Variants in CDK19 observed in about 807,000 individuals in gnomAD.
CDK19 encodes cyclin dependent kinase 19.
Under a neutral mutation model 68.3 loss-of-function variants are expected in CDK19, and 20 were observed. The ratio of observed to expected loss-of-function variants is 0.29; its 90% CI spans 0.21 to 0.43. CDK19 has a LOEUF of 0.43. Ranked by LOEUF, CDK19 falls within the 20% of genes least tolerant of loss-of-function variation. The probability of loss-of-function intolerance (pLI) is 1.00; values close to 1 mark genes in which losing one functional copy is unlikely to be tolerated. For synonymous variants in CDK19, 221 were observed against 222.8 expected (o/e 0.99, Z 0.07); for missense variants, 339 against 623.5 (o/e 0.54, Z 4.86).
In CDK19 at chr6:110,621,378, G is replaced by A; in HGVS notation, c.1111-8C>T. On this transcript the variant is annotated splice_region_variant and splice_polypyrimidine_tract_variant and intron_variant, in intron 11 of 12. Coordinates refer to ENST00000368911, the MANE Select transcript of CDK19 (RefSeq NM_015076.5). The surrounding 1 kb of genome is among the most constrained non-coding windows in gnomAD (Gnocchi z 5.4). ...CTGCTGCTGTTGCTGATTCTTTTAAGGGGAAAAAAGCAAGCTTGGTATGAA... is the reference window on the plus strand; with the variant it reads ...CTGCTGCTGTTGCTGATTCTTTTAAAGGGAAAAAAGCAAGCTTGGTATGAA... 1 of 1,527,132 alleles carries A rather than the reference G, an allele frequency of 6.5e-7. No individual in the cohort carries two copies. Among genetic ancestry groups the A allele is most frequent in the Non-Finnish European group, 8.8e-7 (1 of 1,139,674 alleles). 94.6% of individuals were successfully genotyped at this position (1,527,132 alleles called of 1,614,324 possible).
At chr6:110,782,975 A>G (rs748247324) in intron 1 of CDK19, among the ~76,000 whole-genome samples, 1 of 152,200 alleles carries the variant, frequency 6.6e-6, no homozygotes, top group Non-Finnish European at 1.5e-5. Flanking sequence ...ACTAATAGCT[A>G]TCATAAATTA....
In CDK19 at chr6:110,792,111, T is replaced by C. The variant is rs544592828; in HGVS notation, c.128+22898A>G. Reference sequence around the variant, plus strand: ...TCACCCTCCCAAGTAGCTGGGACTATAGGCACGTGCCACTATGTCCAGCTA... The same window carrying C: ...TCACCCTCCCAAGTAGCTGGGACTACAGGCACGTGCCACTATGTCCAGCTA... On this transcript the variant is annotated intron_variant, in intron 1 of 12. Transcript: ENST00000368911. 8.4e-4 allele frequency among the ~76,000 whole-genome samples: 127 copies of C among 151,254 alleles called. No individual in the cohort carries two copies. The Middle Eastern group carries it at 0.014, about 16-fold the overall frequency.
chr6:110,690,465 C>T (rs1208609185), intron 2 of CDK19, among the ~76,000 whole-genome samples: 5 of 152,190 alleles, frequency 3.3e-5, no homozygotes, highest in Non-Finnish European at 1.5e-5. Context: ...CCACCTCTGA[C>T]AAGGCTGTGA....
At chr6:110,814,834 C>T in intron 1 of CDK19, 175 bp downstream of exon 1, 1 of 825,074 alleles carries the variant, frequency 1.2e-6, no homozygotes, top group Admixed American at 2.2e-5. Flanking sequence ...CGGGGCCGCG[C>T]GGGGGAGGCG....
intron 2 of CDK19, among the ~76,000 whole-genome samples, chr6:110,696,059 T>G (rs1205960191): frequency 6.6e-6 from 1 of 152,070 alleles, no homozygotes; most frequent in African/African-American, 2.4e-5. Flanking sequence ...AGAAAACCAC[T>G]GACCAATATT....
chr6:110,805,332 A>G (rs1782608947), intron 1 of CDK19, among the ~76,000 whole-genome samples: 1 of 152,226 alleles, frequency 6.6e-6, no homozygotes, highest in East Asian at 1.9e-4. Context: ...TCACAACATT[A>G]TAACAAGTTG....
chr6:110,784,454 G>A (rs1007657476), intron 1 of CDK19, among the ~76,000 whole-genome samples: 6 of 152,060 alleles, frequency 3.9e-5, no homozygotes, highest in African/African-American at 2.4e-5. Context: ...CACCCACAAG[G>A]ATGACTAAAA....
At chr6:110,754,141 C>T (rs956369716) in intron 1 of CDK19, among the ~76,000 whole-genome samples, 9 of 151,568 alleles carry the variant, frequency 5.9e-5, no homozygotes, top group African/African-American at 1.5e-4. Context: ...GCAATCCTCC[C>T]GCCTCAGCCT....
intron 1 of CDK19, among the ~76,000 whole-genome samples, chr6:110,792,546 TAC>T (rs1781671955): frequency 6.6e-6 from 1 of 152,152 alleles, no homozygotes; most frequent in Non-Finnish European, 1.5e-5. Context: ...TAGCTGGGAT[TAC>T]AGACGCGTGC....
At chr6:110,667,714 A>C (rs1438198340) in intron 3 of CDK19, 140 bp from the exon 4 acceptor site, 1 of 469,564 alleles carries the variant, frequency 2.1e-6, no homozygotes, top group Admixed American at 3.9e-5. Flanking sequence ...AAATAATTTG[A>C]GTAATAAGTT....
intron 1 of CDK19, among the ~76,000 whole-genome samples, chr6:110,778,437 G>C (rs1273911124): frequency 6.6e-6 from 1 of 152,052 alleles, no homozygotes; most frequent in Non-Finnish European, 1.5e-5. Context: ...TACAATTTTT[G>C]CCCCACTAAA....
chr6:110,801,502 T>G (rs1583135111), intron 1 of CDK19, among the ~76,000 whole-genome samples: 1 of 151,872 alleles, frequency 6.6e-6, no homozygotes, highest in African/African-American at 2.4e-5. Context: ...TAAAATAAAT[T>G]ACAGGTTTTT....
chr6:110,646,644 A>C, intron 4 of CDK19: 2 of 532,238 alleles, frequency 3.8e-6, no homozygotes, highest in Non-Finnish European at 6.3e-6. Flanking sequence ...TAGTTTTACT[A>C]CTCCCTTTTC....
intron 1 of CDK19, among the ~76,000 whole-genome samples, chr6:110,777,489 TAAG>T (rs1373622309): frequency 2.6e-5 from 4 of 151,970 alleles, no homozygotes; most frequent in Non-Finnish European, 5.9e-5. Context: ...TAAAATAAAA[TAAG>T]AAGGGTTGGT....
At chr6:110,734,609 A>G (rs1462103239) in intron 2 of CDK19, among the ~76,000 whole-genome samples, 2 of 140,494 alleles carry the variant, frequency 1.4e-5, no homozygotes, top group Non-Finnish European at 3.0e-5. Context: ...ATCCTTCTAC[A>G]TTCTCCCTTC....
chr6:110,637,076 C>T (rs1475140610), intron 5 of CDK19, among the ~76,000 whole-genome samples: 1 of 151,596 alleles, frequency 6.6e-6, no homozygotes, highest in Middle Eastern at 3.3e-3. Flanking sequence ...CTAGCTTTGA[C>T]AGGCTGAGGA....
intron 3 of CDK19, among the ~76,000 whole-genome samples, chr6:110,669,033 A>G (rs2036451877): frequency 6.6e-6 from 1 of 152,208 alleles, no homozygotes; most frequent in Non-Finnish European, 1.5e-5. Context: ...TGACTATTCC[A>G]ATGTACAACA....
Position 110,815,424 on chromosome 6 carries a change from T to A in CDK19, c.-288A>T. ...TCCTTCATTTCCTTGTTTTGGAACC[T>A]GGTGGGCCGCGCCGTGGCTTCCTCG... is the stretch of plus-strand genomic sequence containing the variant. On this transcript the variant is annotated 5_prime_UTR_variant, in exon 1 of 13. Transcript: ENST00000368911. 1 of 272,768 alleles carries A rather than the reference T, an allele frequency of 3.7e-6. No homozygotes were observed. Among genetic ancestry groups the A allele is most frequent in the Non-Finnish European group, 6.8e-6 (1 of 146,894 alleles). The allele number at this position is 272,768 out of a possible 1,614,324, so 16.9% of individuals were successfully genotyped here.
intron 5 of CDK19, among the ~76,000 whole-genome samples, chr6:110,635,823 C>T (rs1779741247): frequency 6.6e-6 from 1 of 152,210 alleles, no homozygotes; most frequent in African/African-American, 2.4e-5. Context: ...AGGCATGAGC[C>T]ACTGTGCCCA....
Sources: gnomAD v4.1 joint callset for allele counts (sites outside exome capture counted in the v4.1 genomes callset) on GRCh38, gnomAD v4.1.1 for gene constraint, Gnocchi (gnomAD v3.1) non-coding constraint, MANE v1.5 for transcripts, NCBI Gene and HGNC (gene_info 2026-07-23, HGNC 2026-07-21) for gene names.